The following RBFOX2 variants were observed in gnomAD, a reference collection of about 807,000 sequenced individuals.
The protein encoded by RBFOX2 is RNA binding protein fox-1 homolog 2.
In RBFOX2, 10 loss-of-function variants were observed where a neutral mutation model predicts 49.1. The observed-to-expected ratio is 0.20, with a 90% confidence interval of 0.13 to 0.35. RBFOX2 has a LOEUF of 0.35. RBFOX2 is among the 10% of genes least tolerant of loss of function. The pLI is 1.00. For missense variants in RBFOX2, 323 were observed against 486.9 expected, an observed-to-expected ratio of 0.66 and a Z score of 3.17; for synonymous variants, 183 against 187.4, an observed-to-expected ratio of 0.98 and a Z score of 0.19.
chr22:35,812,855 G>T (rs1490537665), intron 1 of RBFOX2, among the ~76,000 whole-genome samples: 1 of 152,190 alleles, frequency 6.6e-6, no homozygotes, highest in African/African-American at 2.4e-5. Flanking sequence ...TGGCACACAA[G>T]TACACAGTAT....
intron 9 of RBFOX2, among the ~76,000 whole-genome samples, chr22:35,757,384 C>T (rs1018185909): frequency 6.6e-6 from 1 of 152,092 alleles, no homozygotes; most frequent in Non-Finnish European, 1.5e-5. Context: ...AAAGATAAAA[C>T]TTTCTTCTTC....
At chr22:35,841,678 C>G (rs1343306791), upstream of RBFOX2, among the ~76,000 whole-genome samples, 1 of 151,858 alleles carries the variant, frequency 6.6e-6, no homozygotes, top group African/African-American at 2.4e-5. Flanking sequence ...AAAAGACTAC[C>G]CAAAGGTTAA....
intron 1 of RBFOX2, among the ~76,000 whole-genome samples, chr22:36,019,954 A>G (rs1370490277): frequency 6.6e-6 from 1 of 152,190 alleles, no homozygotes; most frequent in African/African-American, 2.4e-5. Flanking sequence ...TCCTAAGCCA[A>G]AAGAACAAAG....
intron 1 of RBFOX2, among the ~76,000 whole-genome samples, chr22:35,853,658 C>CCTGT (rs1417395922): frequency 2.1e-5 from 3 of 141,054 alleles, no homozygotes. Context: ...TATATACACA[C>CCTGT]GTGTGTGTGT....
At position 35,755,956 on chromosome 22, in the gene RBFOX2, A is replaced by AAT. The variant is rs148877037; in HGVS notation, c.887+3930_887+3931dup. ...GCATGCTTGCATTCTTAAATATATA[A>AAT]ATATATATATATATATATCCACAAG... On this transcript the variant is annotated intron_variant, in intron 9 of 11. Coordinates refer to ENST00000405409, the Ensembl canonical transcript of RBFOX2. 4.2e-3 allele frequency: 1,389 copies of AAT among 331,860 alleles called. 2 individuals carry two copies. Among genetic ancestry groups the AAT allele is most frequent in the East Asian group, 5.1e-3 (83 of 16,258 alleles). 20.6% of individuals were successfully genotyped at this position (331,860 alleles called of 1,614,324 possible). A position where few individuals can be genotyped will look rare whatever the true frequency, so the allele number is the denominator to read the frequency against.
chr22:35,986,720 G>A (rs1029874373), intron 1 of RBFOX2, among the ~76,000 whole-genome samples: 14 of 152,152 alleles, frequency 9.2e-5, no homozygotes, highest in East Asian at 1.9e-4. Flanking sequence ...ATGTATAGAC[G>A]TATTCCCAAT....
chr22:35,738,748 C>G (rs188780133), exon 12 of RBFOX2: 1 of 151,518 alleles, frequency 6.6e-6, no homozygotes, highest in East Asian at 1.9e-4. Context: ...GTGTTTCTCT[C>G]TTTTATTTAA....
At chr22:35,958,733 G>A (rs1026124697) in intron 1 of RBFOX2, among the ~76,000 whole-genome samples, 6 of 152,160 alleles carry the variant, frequency 3.9e-5, no homozygotes, top group South Asian at 2.1e-4. Context: ...CAAACCTACC[G>A]AGGATTTTTT....
In RBFOX2 at chr22:35,761,250, C is replaced by T. The variant is rs752157531; in HGVS notation, c.706G>A (p.Val236Met). ...ATACCCCCTCTTCCTGATAGGGGCA[C>T]TGCTGCATCATTGCCTAGGGACACA... The change falls in exon 8 of 12, where the codon GTG becomes ATG. Residue 236 changes from valine (V) to methionine (M), a missense_variant. Transcript: ENST00000405409. 1.6e-5 allele frequency: 26 copies of T among 1,614,016 alleles called. No individual in the cohort carries two copies. The South Asian group carries it at 2.7e-4, about 17-fold the overall frequency.
intron 4 of RBFOX2, among the ~76,000 whole-genome samples, chr22:35,776,096 C>T (rs907841812): frequency 6.6e-6 from 1 of 152,084 alleles, no homozygotes; most frequent in Non-Finnish European, 1.5e-5. Flanking sequence ...AAAACTACTT[C>T]AGATAGTAGT....
intron 1 of RBFOX2, chr22:35,992,283 A>G (rs1199134963): frequency 2.0e-5 from 3 of 152,150 alleles, no homozygotes; most frequent in Non-Finnish European, 2.9e-5. Context: ...GAGACAACAG[A>G]TAACCACACA....
At chr22:35,898,166 C>A in intron 1 of RBFOX2, 1 of 747,528 alleles carries the variant, frequency 1.3e-6, no homozygotes, top group South Asian at 1.4e-5. Flanking sequence ...GGTATGATCA[C>A]CTGTGACCCC....
intron 2 of RBFOX2, among the ~76,000 whole-genome samples, chr22:35,784,873 C>G (rs1251031504): frequency 6.6e-6 from 1 of 152,222 alleles, no homozygotes; most frequent in Non-Finnish European, 1.5e-5. Context: ...GGGGCAGGCT[C>G]CTAGGCCAGG....
chr22:36,012,053 TAA>T (rs777447130), intron 1 of RBFOX2, among the ~76,000 whole-genome samples: 2 of 152,170 alleles, frequency 1.3e-5, no homozygotes, highest in Admixed American at 1.3e-4. Flanking sequence ...GTTGTTGATC[TAA>T]ATTAGAGATG....
intron 1 of RBFOX2, among the ~76,000 whole-genome samples, chr22:35,919,794 T>A (rs2050831051): frequency 6.6e-6 from 1 of 152,244 alleles, no homozygotes; most frequent in African/African-American, 2.4e-5. Context: ...TAGCCATCCC[T>A]TGTTTCCAAA....
chr22:36,019,284 A>G (rs1254609476), intron 1 of RBFOX2, among the ~76,000 whole-genome samples: 2 of 152,134 alleles, frequency 1.3e-5, no homozygotes, highest in African/African-American at 2.4e-5. Flanking sequence ...GAGAGACCAC[A>G]ATGACCCAGT....
chr22:35,821,604 A>C (rs1413905650), intron 1 of RBFOX2, among the ~76,000 whole-genome samples: 26 of 83,110 alleles, frequency 3.1e-4, no homozygotes, highest in Non-Finnish European at 5.2e-4. Flanking sequence ...TCCGTCTCCA[A>C]AAAAAAAAAA....
At chr22:35,897,728 T>A in intron 1 of RBFOX2, 1 of 841,770 alleles carries the variant, frequency 1.2e-6, no homozygotes, top group Non-Finnish European at 2.1e-6. Context: ...ACAAGGGGTA[T>A]AGCACCAAAC....
chr22:35,863,154 T>C (rs777793274), intron 1 of RBFOX2, among the ~76,000 whole-genome samples: 6 of 152,126 alleles, frequency 3.9e-5, no homozygotes, highest in Non-Finnish European at 8.8e-5. Flanking sequence ...TTGTAACATA[T>C]TGTTGTTATT....
Sources: gnomAD v4.1 joint callset for allele counts (sites outside exome capture counted in the v4.1 genomes callset) on GRCh38, gnomAD v4.1.1 for gene constraint, MANE v1.5 for transcripts, NCBI Gene and HGNC (gene_info 2026-07-23, HGNC 2026-07-21) for gene names.